The following FAM107B variants were observed in gnomAD, a reference collection of about 807,000 sequenced individuals.
FAM107B encodes the protein family with sequence similarity 107 member B, also known as protein FAM107B.
In FAM107B, 21 loss-of-function variants were observed where a neutral mutation model predicts 31.5. That is an observed-to-expected ratio of 0.67 (90% CI 0.47 to 0.96). The LOEUF (loss-of-function observed/expected upper bound fraction) is 0.96. Among genes scored for constraint, FAM107B ranks in the 40% least tolerant of loss-of-function variants. The pLI is 0.00. For missense variants in FAM107B, 452 were observed against 377.1 expected (o/e 1.20, Z -1.64); for synonymous variants, 157 against 141.5 (o/e 1.11, Z -0.78).
intron 2 of FAM107B, among the ~76,000 whole-genome samples, chr10:14,549,325 T>C (rs1401225258): frequency 6.6e-6 from 1 of 152,190 alleles, no homozygotes; most frequent in Non-Finnish European, 1.5e-5. Context: ...AGCTCCAAGC[T>C]GAAAGGGAAA....
chr10:14,702,795 G>A (rs1319680938), intron 1 of FAM107B, among the ~76,000 whole-genome samples: 1 of 152,166 alleles, frequency 6.6e-6, no homozygotes, highest in Non-Finnish European at 1.5e-5. Context: ...TTTAAAATGA[G>A]TATTTTGCCC....
At chr10:14,538,374 T>C (rs1056694122) in intron 2 of FAM107B, among the ~76,000 whole-genome samples, 5 of 152,218 alleles carry the variant, frequency 3.3e-5, no homozygotes, top group Admixed American at 6.5e-5. Context: ...TGGAATACTA[T>C]GCAGCAATGA....
chr10:14,686,029 C>A (rs1475819300), intron 1 of FAM107B, among the ~76,000 whole-genome samples: 1 of 152,100 alleles, frequency 6.6e-6, no homozygotes, highest in Non-Finnish European at 1.5e-5. Flanking sequence ...TAGGGGACCC[C>A]ACCCCCCTGA....
At chr10:14,569,207 T>A (rs1022845038) in intron 2 of FAM107B, among the ~76,000 whole-genome samples, 2 of 152,250 alleles carry the variant, frequency 1.3e-5, no homozygotes, top group Non-Finnish European at 2.9e-5. Flanking sequence ...ACAAATGATG[T>A]GTGTTATCTG....
At chr10:14,569,285 G>A (rs1303232984) in intron 2 of FAM107B, among the ~76,000 whole-genome samples, 1 of 152,100 alleles carries the variant, frequency 6.6e-6, no homozygotes, top group Non-Finnish European at 1.5e-5. Context: ...AGAGAGTGTA[G>A]AAAATATTTC....
At chr10:14,740,728 C>G (rs7908978) in intron 1 of FAM107B, among the ~76,000 whole-genome samples, 16,926 of 152,082 alleles carry the variant, frequency 0.11, 1,004 homozygotes, top group African/African-American at 0.15. Context: ...ATTATGGAGG[C>G]ACTCTGTACC....
intron 2 of FAM107B, chr10:14,553,999 C>T (rs1246029574): frequency 3.4e-6 from 2 of 589,774 alleles, no homozygotes; most frequent in African/African-American, 2.0e-5. Flanking sequence ...TCCTTGTCTT[C>T]ACCTCCCAGG....
At chr10:14,577,931 A>G (rs959367932) in intron 2 of FAM107B, among the ~76,000 whole-genome samples, 1 of 152,182 alleles carries the variant, frequency 6.6e-6, no homozygotes, top group African/African-American at 2.4e-5. Flanking sequence ...GAAGTTTTTT[A>G]TTAAAGGTGG....
At position 14,558,277 on chromosome 10, in the gene FAM107B, A is replaced by G. The variant is rs78752895; in HGVS notation, c.470-27762T>C. ...CACGCGCACAGTCACACATACGTGC[A>G]CGCACACACACACATACACGCACAC... On this transcript the variant is annotated intron_variant, in intron 2 of 4. Coordinates refer to ENST00000181796, the MANE Select transcript of FAM107B (RefSeq NM_031453.4). Among the ~76,000 whole-genome samples, 1,057 of 149,078 alleles carry G rather than the reference A, an allele frequency of 7.1e-3. 10 individuals carry two copies. Among genetic ancestry groups the G allele is most frequent in the South Asian group, 0.022 (105 of 4,820 alleles).
At chr10:14,702,192 T>C (rs1855415198) in intron 1 of FAM107B, among the ~76,000 whole-genome samples, 1 of 152,214 alleles carries the variant, frequency 6.6e-6, no homozygotes, top group African/African-American at 2.4e-5. Context: ...ATCCACAATA[T>C]TTTATGTATT....
chr10:14,615,336 C>CA lies in FAM107B; in HGVS notation c.469+52297dup, dbSNP rs201846000. On this transcript the variant is annotated intron_variant, in intron 2 of 4. Transcript: ENST00000181796. Reference sequence around the variant, plus strand: ...AAAGTGAGACACCATCTCAAAAAAACAAAAAAAAAGGCAGAAACAAATAAT... The same window carrying CA: ...AAAGTGAGACACCATCTCAAAAAAACAAAAAAAAAAGGCAGAAACAAATAAT... Among the ~76,000 whole-genome samples the CA allele has an allele frequency of 1.4e-4, 21 of 149,466 alleles. No individual in the cohort carries two copies. In the East Asian group the frequency reaches 2.7e-3, roughly 19 times the overall value.
At chr10:14,673,801 G>T (rs564618873) in intron 1 of FAM107B, among the ~76,000 whole-genome samples, 1 of 152,010 alleles carries the variant, frequency 6.6e-6, no homozygotes, top group East Asian at 1.9e-4. Flanking sequence ...CTTGATAATC[G>T]CCATTTGAAC....
At chr10:14,654,494 A>T (rs1853988452) in intron 2 of FAM107B, among the ~76,000 whole-genome samples, 1 of 152,096 alleles carries the variant, frequency 6.6e-6, no homozygotes, top group Non-Finnish European at 1.5e-5. Context: ...TCTTGCTCTC[A>T]TCATCTCTCT....
intron 2 of FAM107B, among the ~76,000 whole-genome samples, chr10:14,600,665 G>A (rs1310207096): frequency 6.6e-6 from 1 of 152,012 alleles, no homozygotes; most frequent in Non-Finnish European, 1.5e-5. Context: ...TTAGCGACAG[G>A]CTCTCACTCT....
At chr10:14,705,629 A>T (rs1004603997) in intron 1 of FAM107B, among the ~76,000 whole-genome samples, 1 of 152,094 alleles carries the variant, frequency 6.6e-6, no homozygotes, top group African/African-American at 2.4e-5. Context: ...CAAATACTAT[A>T]TATGGTTCCA....
intron 2 of FAM107B, among the ~76,000 whole-genome samples, chr10:14,535,365 C>CA (rs1221616772): frequency 6.6e-6 from 1 of 152,172 alleles, no homozygotes; most frequent in Admixed American, 6.5e-5. Flanking sequence ...CTGGCACAAA[C>CA]ATGAGAACTC....
chr10:14,655,724 G>A lies in FAM107B; in HGVS notation c.469+11910C>T, dbSNP rs547029378. On this transcript the variant is annotated intron_variant, in intron 2 of 4. Transcript: ENST00000181796. Reference sequence around the variant, plus strand: ...GAGGTGGGAAGCCGGGACAGGGGAGGGAAAGCAGCCACCACAGGATTTATG... The same window carrying A: ...GAGGTGGGAAGCCGGGACAGGGGAGAGAAAGCAGCCACCACAGGATTTATG... 4.6e-5 allele frequency among the ~76,000 whole-genome samples: 7 copies of A among 152,328 alleles called. No homozygotes were observed. In the South Asian group the frequency reaches 1.5e-3, roughly 32 times the overall value.
At chr10:14,603,024 C>T (rs1852453416) in intron 2 of FAM107B, among the ~76,000 whole-genome samples, 1 of 151,686 alleles carries the variant, frequency 6.6e-6, no homozygotes, top group African/African-American at 2.4e-5. Flanking sequence ...CACACACACA[C>T]ACACACAAAC....
chr10:14,769,960 G>T (rs116723601), intron 1 of FAM107B, among the ~76,000 whole-genome samples: 138 of 152,256 alleles, frequency 9.1e-4, no homozygotes, highest in African/African-American at 3.0e-3. Flanking sequence ...AGTTGGATTC[G>T]CAATTAGAAC....
Sources: allele counts gnomAD v4.1 joint callset (sites outside exome capture counted in the v4.1 genomes callset), GRCh38; gene constraint gnomAD v4.1.1; transcripts MANE v1.5; gene names NCBI Gene and HGNC (gene_info 2026-07-23, HGNC 2026-07-21).